Variants in NLGN1 observed in about 807,000 individuals in gnomAD.
NLGN1 encodes neuroligin-1.
NLGN1 carries 12 observed loss-of-function variants against 65.5 expected under a neutral mutation model. The observed-to-expected ratio is 0.18, with a 90% CI of 0.12 to 0.30. The LOEUF is 0.30. Among genes scored for constraint, NLGN1 ranks in the 10% least tolerant of loss-of-function variants. The pLI is 1.00. For synonymous variants in NLGN1, 350 were observed against 359.5 expected (o/e 0.97, Z 0.30); for missense variants, 750 against 1,007.1 (o/e 0.74, Z 3.46).
At chr3:173,504,015 T>A (rs889905460) in intron 2 of NLGN1, among the ~76,000 whole-genome samples, 1 of 152,070 alleles carries the variant, frequency 6.6e-6, no homozygotes, top group African/African-American at 2.4e-5. Flanking sequence ...ACATCAGAAA[T>A]CTGATAATTA....
chr3:174,111,534 G>A (rs1715215660), intron 4 of NLGN1, among the ~76,000 whole-genome samples: 1 of 151,778 alleles, frequency 6.6e-6, no homozygotes, highest in African/African-American at 2.4e-5. Flanking sequence ...AATTTATATT[G>A]AATTTTAAAA....
In NLGN1 at chr3:174,018,166, G is replaced by A. The variant is rs182377152; in HGVS notation, c.646+210334G>A. ...AAGAAAAGAAATATGGCTCTGTTCCGTCTGGCTCTCAGGCAGCCAGACCTA... is the reference window on the plus strand; with the variant it reads ...AAGAAAAGAAATATGGCTCTGTTCCATCTGGCTCTCAGGCAGCCAGACCTA... On this transcript the variant is annotated intron_variant, in intron 4 of 6. Transcript: ENST00000457714. 1.4e-3 allele frequency among the ~76,000 whole-genome samples: 218 copies of A among 152,206 alleles called. 1 individual carries two copies. Among genetic ancestry groups the A allele is most frequent in the African/African-American group, 2.2e-3 (91 of 41,532 alleles).
intron 3 of NLGN1, among the ~76,000 whole-genome samples, chr3:173,726,940 CAA>C (rs5854531): frequency 8.1e-4 from 108 of 134,040 alleles, no homozygotes; most frequent in East Asian, 1.3e-3. Context: ...ATTTCCTTAC[CAA>C]AAAAAAAAAA....
At chr3:173,802,213 C>A (rs1455301758) in intron 3 of NLGN1, among the ~76,000 whole-genome samples, 1 of 151,868 alleles carries the variant, frequency 6.6e-6, no homozygotes, top group African/African-American at 2.4e-5. Context: ...TAAGTCTGAG[C>A]GATCATAGCT....
chr3:173,914,587 G>A (rs907555166), intron 4 of NLGN1, among the ~76,000 whole-genome samples: 3 of 151,822 alleles, frequency 2.0e-5, no homozygotes, highest in South Asian at 2.1e-4. Context: ...GACTTACATC[G>A]TCAAGCTCTG....
intron 2 of NLGN1, among the ~76,000 whole-genome samples, chr3:173,564,236 C>T (rs1398946117): frequency 2.0e-5 from 3 of 152,246 alleles, no homozygotes; most frequent in South Asian, 4.1e-4. Flanking sequence ...GCACAGGTTT[C>T]CGTTAAATGC....
upstream of NLGN1, among the ~76,000 whole-genome samples, chr3:173,397,612 TCCCGTTCC>T (rs1253497211): frequency 1.3e-5 from 2 of 151,920 alleles, no homozygotes; most frequent in African/African-American, 4.8e-5. Context: ...GGCCTCACTC[TCCCGTTCC>T]CCCGTCAGTC....
At chr3:173,771,370 T>C (rs1395891820) in intron 3 of NLGN1, among the ~76,000 whole-genome samples, 2 of 152,210 alleles carry the variant, frequency 1.3e-5, no homozygotes, top group Non-Finnish European at 1.5e-5. Context: ...TGCAATCTTA[T>C]GCCATCATTT....
intron 4 of NLGN1, among the ~76,000 whole-genome samples, chr3:173,823,125 C>A (rs1490176553): frequency 1.3e-5 from 2 of 151,886 alleles, no homozygotes; most frequent in African/African-American, 2.4e-5. Context: ...TTAAGTGTAC[C>A]TATATATACA....
At chr3:174,041,568 G>T (rs1288812806) in intron 4 of NLGN1, among the ~76,000 whole-genome samples, 1 of 152,114 alleles carries the variant, frequency 6.6e-6, no homozygotes, top group Non-Finnish European at 1.5e-5. Flanking sequence ...TACAAAATTA[G>T]ATGTGAGTTG....
At chr3:173,856,077 T>A (rs1362695768) in intron 4 of NLGN1, among the ~76,000 whole-genome samples, 2 of 152,094 alleles carry the variant, frequency 1.3e-5, no homozygotes, top group African/African-American at 4.8e-5. Context: ...ACATTTTAAT[T>A]TACTCAGCTG....
chr3:173,513,644 T>A (rs1306266297), intron 2 of NLGN1, among the ~76,000 whole-genome samples: 1 of 152,222 alleles, frequency 6.6e-6, no homozygotes, highest in Non-Finnish European at 1.5e-5. Flanking sequence ...CCAAAAGTCC[T>A]GGTTTTCTTA....
chr3:174,155,020 A>G (rs1281455186), intron 4 of NLGN1, among the ~76,000 whole-genome samples: 2 of 126,964 alleles, frequency 1.6e-5, no homozygotes, highest in Admixed American at 8.0e-5. Context: ...TGATATAAAT[A>G]TATAAAATTA....
intron 2 of NLGN1, among the ~76,000 whole-genome samples, chr3:173,462,698 C>G (rs563248152): frequency 1.3e-5 from 2 of 152,260 alleles, no homozygotes; most frequent in Admixed American, 6.5e-5. Context: ...ATTGCTGTCT[C>G]TACCATCATT....
intron 3 of NLGN1, chr3:173,789,772 C>T (rs1712233311): frequency 4.4e-6 from 2 of 456,478 alleles, no homozygotes; most frequent in Non-Finnish European, 8.8e-6. Flanking sequence ...ACACTCCGCC[C>T]ATCCTTCCTT....
intron 4 of NLGN1, among the ~76,000 whole-genome samples, chr3:173,835,198 T>G (rs1436916724): frequency 5.3e-5 from 8 of 152,202 alleles, no homozygotes. Context: ...TTATCAGAAA[T>G]TTATTATTTT....
intron 4 of NLGN1, among the ~76,000 whole-genome samples, chr3:174,117,345 G>T (rs548364159): frequency 6.6e-6 from 1 of 151,956 alleles, no homozygotes; most frequent in African/African-American, 2.4e-5. Flanking sequence ...GGCCGGGCGC[G>T]GTAGCTCACG....
chr3:173,781,325 T>C (rs911955906), intron 3 of NLGN1, among the ~76,000 whole-genome samples: 1 of 152,188 alleles, frequency 6.6e-6, no homozygotes, highest in African/African-American at 2.4e-5. Flanking sequence ...CTTTTTTCTG[T>C]GCAAATAGGA....
intron 4 of NLGN1, chr3:173,912,702 T>C (rs1255744659): frequency 6.6e-6 from 1 of 152,134 alleles, no homozygotes; most frequent in African/African-American, 2.4e-5. Context: ...ATTTAAAATT[T>C]TGATGAAAAA....
Sources: gnomAD v4.1 joint callset for allele counts (sites outside exome capture counted in the v4.1 genomes callset) on GRCh38, gnomAD v4.1.1 for gene constraint, MANE v1.5 for transcripts, NCBI Gene and HGNC (gene_info 2026-07-23, HGNC 2026-07-21) for gene names.